The following WDR36 variants were observed in gnomAD, a reference collection of about 807,000 sequenced individuals.
WDR36 encodes WD repeat-containing protein 36.
Under a neutral mutation model 112.7 loss-of-function variants are expected in WDR36, and 63 were observed. The observed-to-expected ratio is 0.56, with a 90% CI of 0.46 to 0.69. The LOEUF (loss-of-function observed/expected upper bound fraction) is 0.69. Ranked by LOEUF, WDR36 falls within the 30% of genes least tolerant of loss-of-function variation. WDR36 has a pLI of 0.00. For missense variants in WDR36, 1,226 were observed against 1,070.3 expected (o/e 1.15, Z -2.03); for synonymous variants, 410 against 362.2 (o/e 1.13, Z -1.50).
chr5:111,113,048 A>C, intron 15 of WDR36, 26 bp from the exon 16 acceptor site: 1 of 458,070 alleles, frequency 2.2e-6, no homozygotes, highest in Non-Finnish European at 3.1e-6. Flanking sequence ...ATATATATAT[A>C]TATATTTTTT....
chr5:111,119,168 G>T, intron 17 of WDR36, 48 bp downstream of exon 17: 2 of 1,463,688 alleles, frequency 1.4e-6, no homozygotes, highest in East Asian at 4.5e-5. Context: ...AGATTGTATT[G>T]TCAGAGAGTT....
chr5:111,109,822 G>A (rs80262781), intron 12 of WDR36, among the ~76,000 whole-genome samples: 2,249 of 151,276 alleles, frequency 0.015, 89 homozygotes, highest in Admixed American at 0.082. Context: ...AGTTACAAAA[G>A]GCAAGACAAA....
chr5:111,111,091 T>TA, intron 14 of WDR36, 79 bp from the exon 15 acceptor site: 1 of 1,553,298 alleles, frequency 6.4e-7, no homozygotes, highest in Non-Finnish European at 8.9e-7. Context: ...GTGTACTTGA[T>TA]TTAACAAAAT....
rs575793650 is a variant in WDR36, at chr5:111,113,637, T to C, written c.1796+484T>C. Reference sequence around the variant, plus strand: ...GCATTTTCTGTTGCTTATAACAGAATATTGAAACTTGGTTATTTCTAAAGA... The same window carrying C: ...GCATTTTCTGTTGCTTATAACAGAACATTGAAACTTGGTTATTTCTAAAGA... On this transcript the variant is annotated intron_variant, in intron 16 of 22. Transcript: ENST00000513710. 2.0e-5 allele frequency among the ~76,000 whole-genome samples: 3 copies of C among 152,212 alleles called. No individual in the cohort carries two copies. In the South Asian group the frequency reaches 6.2e-4, roughly 32 times the overall value.
At chr5:111,117,079 G>T (rs1020370125) in intron 16 of WDR36, among the ~76,000 whole-genome samples, 1 of 152,178 alleles carries the variant, frequency 6.6e-6, no homozygotes. Context: ...GTATGGCATA[G>T]AATAAGTATT....
At chr5:111,092,911 G>C (rs1054672803) in intron 1 of WDR36, among the ~76,000 whole-genome samples, 2 of 152,222 alleles carry the variant, frequency 1.3e-5, no homozygotes, top group Non-Finnish European at 2.9e-5. Flanking sequence ...TCCCTTGAAG[G>C]TGGAAACATA....
chr5:111,099,706 T>A (rs1192098376), intron 4 of WDR36, among the ~76,000 whole-genome samples: 3 of 151,984 alleles, frequency 2.0e-5, no homozygotes, highest in Non-Finnish European at 4.4e-5. Flanking sequence ...AGGGAGCCAT[T>A]TGTAGTGACT....
At position 111,104,500 on chromosome 5, in the gene WDR36, AG is replaced by A. The variant is rs1426845593; in HGVS notation, c.906+150del. The stretch of plus-strand genomic sequence containing the variant: ...GTATAGATGAAACAAAAAGCACAGC[AG>A]GTGACATGATTGCAGTGAAGCGGGA... On this transcript the variant is annotated intron_variant, in intron 8 of 22. Transcript: ENST00000513710. 14 of 1,382,832 alleles carry A rather than the reference AG, an allele frequency of 1.0e-5. No homozygotes were observed. In the African/African-American group the frequency reaches 2.0e-4, roughly 20 times the overall value. The allele number at this position is 1,382,832 out of a possible 1,614,324, so 85.7% of individuals were successfully genotyped here.
At chr5:111,123,265 G>A (rs902228394) in intron 19 of WDR36, among the ~76,000 whole-genome samples, 3 of 152,020 alleles carry the variant, frequency 2.0e-5, no homozygotes, top group African/African-American at 7.2e-5. Context: ...AATTTTAAAA[G>A]CACAAGGTAC....
At chr5:111,125,217 T>A (rs1425872811) in intron 21 of WDR36, among the ~76,000 whole-genome samples, 1 of 152,204 alleles carries the variant, frequency 6.6e-6, no homozygotes, top group Non-Finnish European at 1.5e-5. Flanking sequence ...TTTTACCTCA[T>A]CAGATTCCCA....
Position 111,098,734 on chromosome 5 carries a change from T to C in WDR36, c.304T>C (p.Phe102Leu), listed in dbSNP as rs1036969801. ...TTCGATGTTTTAGATAGTACATACC[T>C]TTAAGGGTCATAAGGCAGAAATCCA... The part of the protein sequence containing the change: ...FARNKEIVHT[F>L]KGHKAEIHFL... Residue 102 changes from phenylalanine (F) to leucine (L), a missense_variant, in exon 4 of 23, where the codon TTT becomes CTT. Phe to Leu is a conservative substitution (Grantham distance 22, BLOSUM62 0). Coordinates refer to ENST00000513710, the MANE Select transcript of WDR36 (RefSeq NM_139281.3). 1 of 1,604,292 alleles carries C rather than the reference T, an allele frequency of 6.2e-7. No homozygotes were observed. Among genetic ancestry groups the C allele is most frequent in the African/African-American group, 1.3e-5 (1 of 74,770 alleles).
intron 17 of WDR36, among the ~76,000 whole-genome samples, chr5:111,119,910 C>CTGCTATTAA (rs773665937): frequency 4.6e-5 from 7 of 152,158 alleles, no homozygotes; most frequent in Middle Eastern, 3.4e-3. Context: ...CAATGAAGTA[C>CTGCTATTAA]TGCTATTAAT....
At position 111,110,804 on chromosome 5, in the gene WDR36, T is replaced by C. The variant is rs1247957597; in HGVS notation, c.1458T>C (p.Val486=). 1.9e-6 allele frequency: 3 copies of C among 1,610,992 alleles called. No homozygotes were observed. Among genetic ancestry groups the C allele is most frequent in the Admixed American group, 1.7e-5 (1 of 59,666 alleles). ...FGKDQAHKGS[V]RGVAVDGLNQ... is the part of the protein sequence containing the mutation. The stretch of plus-strand genomic sequence containing the variant: ...ACCTTACAGCTCACAAGGGATCTGT[T>C]AGAGGTGTCGCAGTGGATGGATTAA... Residue 486 remains valine, a synonymous_variant, in exon 14 of 23, where the codon GTT becomes GTC. Transcript: ENST00000513710.
In WDR36 at chr5:111,129,829, G is replaced by A. The variant is rs1288597068; in HGVS notation, c.*2946G>A. On this transcript the variant is annotated 3_prime_UTR_variant, in exon 23 of 23. Coordinates refer to ENST00000513710, the MANE Select transcript of WDR36 (RefSeq NM_139281.3). ...TTTCACGTCATGTATTTTCCTCTAC[G>A]ACATGTTTCTGTGTGAGTAGTTAAC... 2.4e-5 allele frequency: 5 copies of A among 206,254 alleles called. No individual in the cohort carries two copies. The highest frequency in any genetic ancestry group is 1.5e-3 in the Middle Eastern group (1 of 646). The allele number at this position is 206,254 out of a possible 1,614,324, so 12.8% of individuals were successfully genotyped here. A position where few individuals can be genotyped will look rare whatever the true frequency, so the allele number is the denominator to read the frequency against.
chr5:111,125,925 T>C, intron 22 of WDR36, 130 bp downstream of exon 22: 1 of 848,868 alleles, frequency 1.2e-6, no homozygotes, highest in South Asian at 1.5e-5. Context: ...TTGCCACATG[T>C]AGCTATTGAG....
chr5:111,094,640 G>A (rs1439166662), intron 1 of WDR36, among the ~76,000 whole-genome samples: 1 of 152,170 alleles, frequency 6.6e-6, no homozygotes, highest in Non-Finnish European at 1.5e-5. Context: ...GAAGTGAGTA[G>A]TTGGCAACAG....
In WDR36 at chr5:111,129,082, T is replaced by G. The variant is rs993250647; in HGVS notation, c.*2199T>G. On this transcript the variant is annotated 3_prime_UTR_variant, in exon 23 of 23. Transcript: ENST00000513710. ...TATTTCTACTTGGGAGTTTTTTATTTTGGTACATTCACATTTACCTAATCT... is the reference window on the plus strand; with the variant it reads ...TATTTCTACTTGGGAGTTTTTTATTGTGGTACATTCACATTTACCTAATCT... 1 of 198,652 alleles carries G rather than the reference T, an allele frequency of 5.0e-6. No individual in the cohort carries two copies. The highest frequency in any genetic ancestry group is 1.0e-5 in the Non-Finnish European group (1 of 96,018). The allele number at this position is 198,652 out of a possible 1,614,324, so 12.3% of individuals were successfully genotyped here. A position where few individuals can be genotyped will look rare whatever the true frequency, so the allele number is the denominator to read the frequency against.
intron 20 of WDR36, 41 bp downstream of exon 20, chr5:111,123,965 G>A: frequency 6.2e-7 from 1 of 1,612,106 alleles, no homozygotes; most frequent in Non-Finnish European, 8.5e-7. Flanking sequence ...ATCGGTGTAT[G>A]TTTGTATGTG....
intron 12 of WDR36, among the ~76,000 whole-genome samples, chr5:111,109,608 G>A (rs1753287105): frequency 6.6e-6 from 1 of 151,030 alleles, no homozygotes; most frequent in South Asian, 2.1e-4. Flanking sequence ...CATGTTTTCA[G>A]TATAGAAAAA....
Sources: allele counts gnomAD v4.1 joint callset (sites outside exome capture counted in the v4.1 genomes callset), GRCh38; gene constraint gnomAD v4.1.1; transcripts MANE v1.5; gene names NCBI Gene and HGNC (gene_info 2026-07-23, HGNC 2026-07-21).